Variants in RYK observed in about 807,000 individuals in gnomAD.
RYK encodes receptor like tyrosine kinase, also known as inactive tyrosine-protein kinase RYK.
Under a neutral mutation model 70.2 loss-of-function variants are expected in RYK, and 21 were observed. The observed-to-expected ratio is 0.30, with a 90% CI of 0.21 to 0.43. The LOEUF (loss-of-function observed/expected upper bound fraction) is 0.43, where lower values mean the gene tolerates loss of function less well. RYK is among the 20% of genes least tolerant of loss of function. The pLI, the probability that RYK is intolerant of heterozygous loss-of-function variation, is 1.00. For missense variants in RYK, 604 were observed against 753.3 expected (o/e 0.80, Z 2.32); for synonymous variants, 267 against 278.0 (o/e 0.96, Z 0.39).
At chr3:134,244,997 A>C (rs557195249) in intron 1 of RYK, among the ~76,000 whole-genome samples, 1 of 152,320 alleles carries the variant, frequency 6.6e-6, no homozygotes, top group East Asian at 1.9e-4. Context: ...GCAGATATCA[A>C]ATCTACCAAA....
chr3:134,161,382 G>C (rs569404291), intron 13 of RYK, among the ~76,000 whole-genome samples: 2 of 152,232 alleles, frequency 1.3e-5, no homozygotes, highest in South Asian at 4.2e-4. Flanking sequence ...TGCATTGTAG[G>C]ATGTTTAGCA....
At chr3:134,174,848 G>T (rs768633277) in intron 13 of RYK, among the ~76,000 whole-genome samples, 34 of 151,658 alleles carry the variant, frequency 2.2e-4, no homozygotes, top group Non-Finnish European at 4.0e-4. Flanking sequence ...GATGACGGGG[G>T]GATTTACAAA....
At chr3:134,233,207 T>C (rs1301800918) in intron 1 of RYK, among the ~76,000 whole-genome samples, 1 of 152,238 alleles carries the variant, frequency 6.6e-6, no homozygotes, top group East Asian at 1.9e-4. Context: ...AGGTACCAAT[T>C]ATGCTTTTGT....
At chr3:134,176,365 G>A (rs1051761243) in intron 11 of RYK, among the ~76,000 whole-genome samples, 2 of 152,182 alleles carry the variant, frequency 1.3e-5, no homozygotes, top group Non-Finnish European at 2.9e-5. Flanking sequence ...TATTTCAAAT[G>A]TTTATAATTC....
At chr3:134,167,443 A>T (rs992301539) in intron 13 of RYK, among the ~76,000 whole-genome samples, 3 of 152,192 alleles carry the variant, frequency 2.0e-5, no homozygotes, top group African/African-American at 4.8e-5. Context: ...ATAATACTAC[A>T]CATCTACAAC....
intron 1 of RYK, among the ~76,000 whole-genome samples, chr3:134,236,481 T>G (rs2107693099): frequency 6.6e-6 from 1 of 152,278 alleles, no homozygotes; most frequent in Non-Finnish European, 1.5e-5. Flanking sequence ...GACTTAACAC[T>G]GTTAATATAA....
In RYK at chr3:134,215,840, C is replaced by G. The variant is rs371893790; in HGVS notation, c.355-4233G>C. 7.2e-5 allele frequency among the ~76,000 whole-genome samples: 11 copies of G among 152,102 alleles called. No individual in the cohort carries two copies. The East Asian group carries it at 2.1e-3, about 30-fold the overall frequency. On this transcript the variant is annotated intron_variant, in intron 2 of 14. Coordinates refer to ENST00000623711, the MANE Select transcript of RYK (RefSeq NM_002958.4). ...ATCACTTGAGGCCAGGAGTTCAAGA[C>G]CAGCCTGGCCAACACGGTAAAACCC...
intron 2 of RYK, 62 bp downstream of exon 2, chr3:134,222,356 C>A: frequency 6.3e-7 from 1 of 1,595,542 alleles, no homozygotes; most frequent in South Asian, 1.1e-5. Context: ...TCCTCAAACA[C>A]AGCCCTTGCC....
At position 134,225,523 on chromosome 3, in the gene RYK, C is replaced by A. The variant is rs539540680; in HGVS notation, c.233-2984G>T. Among the ~76,000 whole-genome samples, 4 of 151,962 alleles carry A rather than the reference C, an allele frequency of 2.6e-5. No individual in the cohort carries two copies. In the South Asian group the frequency reaches 8.3e-4, roughly 32 times the overall value. ...AAAGGCAAAAAGAAACACACAAATC[C>A]ACAATCACAATTGGAAACTAACATC... On this transcript the variant is annotated intron_variant, in intron 1 of 14. Coordinates refer to ENST00000623711, the MANE Select transcript of RYK (RefSeq NM_002958.4).
chr3:134,249,921 T>TTTGTTTTTTG (rs2015565900), intron 1 of RYK, among the ~76,000 whole-genome samples: 1 of 104,174 alleles, frequency 9.6e-6, no homozygotes, highest in Admixed American at 1.0e-4. Flanking sequence ...TCTCTCGTTT[T>TTTGTTTTTTG]TTTTTTTTTT....
chr3:134,225,059 G>A (rs1242145178), intron 1 of RYK, among the ~76,000 whole-genome samples: 1 of 152,164 alleles, frequency 6.6e-6, no homozygotes, highest in Admixed American at 6.5e-5. Context: ...CACTAGCTGG[G>A]TAGCACTGCT....
At chr3:134,183,699 G>T (rs2013375120) in intron 9 of RYK, among the ~76,000 whole-genome samples, 1 of 152,178 alleles carries the variant, frequency 6.6e-6, no homozygotes, top group Admixed American at 6.5e-5. Flanking sequence ...ACTGCTAAGA[G>T]TCTCTGTTAC....
At chr3:134,242,376 A>C (rs1362913127) in intron 1 of RYK, among the ~76,000 whole-genome samples, 1 of 152,206 alleles carries the variant, frequency 6.6e-6, no homozygotes, top group Non-Finnish European at 1.5e-5. Flanking sequence ...ACACACAAAA[A>C]GAATCATTCA....
chr3:134,248,558 C>T (rs986209799), intron 1 of RYK, among the ~76,000 whole-genome samples: 8 of 152,134 alleles, frequency 5.3e-5, no homozygotes, highest in African/African-American at 1.9e-4. Context: ...GTGGCTCACA[C>T]CTGTAATCCC....
chr3:134,221,168 G>A (rs2014720288), intron 2 of RYK, among the ~76,000 whole-genome samples: 1 of 143,374 alleles, frequency 7.0e-6, no homozygotes, highest in South Asian at 2.3e-4. Context: ...TCTGAGTATA[G>A]AACTACAAAG....
At chr3:134,207,728 T>G (rs1018778670) in intron 4 of RYK, among the ~76,000 whole-genome samples, 3 of 152,208 alleles carry the variant, frequency 2.0e-5, no homozygotes, top group African/African-American at 7.2e-5. Flanking sequence ...GTGTTACTTC[T>G]AGATGCTCAG....
At chr3:134,173,644 T>C (rs2012999823) in intron 13 of RYK, among the ~76,000 whole-genome samples, 1 of 152,154 alleles carries the variant, frequency 6.6e-6, no homozygotes, top group Admixed American at 6.5e-5. Flanking sequence ...CTGCCCCCCA[T>C]GATCCAATTA....
intron 1 of RYK, among the ~76,000 whole-genome samples, chr3:134,240,084 C>T (rs1185472759): frequency 6.6e-6 from 1 of 152,152 alleles, no homozygotes; most frequent in Non-Finnish European, 1.5e-5. Flanking sequence ...ATTTATAAAT[C>T]AGGAAAAGCT....
At chr3:134,221,196 C>CTTTTTTTTTTTTTTTTTT (rs71139519) in intron 2 of RYK, among the ~76,000 whole-genome samples, 1 of 78,562 alleles carries the variant, frequency 1.3e-5, no homozygotes, top group African/African-American at 5.6e-5. Context: ...AGTTCTTTTT[C>CTTTTTTTTTTTTTTTTTT]TTTTTTTTTT....
Sources: allele counts gnomAD v4.1 joint callset (sites outside exome capture counted in the v4.1 genomes callset), GRCh38; gene constraint gnomAD v4.1.1; transcripts MANE v1.5; gene names NCBI Gene and HGNC (gene_info 2026-07-23, HGNC 2026-07-21).